Variants in NFATC4 observed in about 807,000 individuals in gnomAD.
NFATC4 encodes nuclear factor of activated T-cells, cytoplasmic 4.
Under a neutral mutation model 73.4 loss-of-function variants are expected in NFATC4, and 25 were observed. The observed-to-expected ratio is 0.34, with a 90% confidence interval of 0.25 to 0.48. The LOEUF is 0.48. Ranked by LOEUF, NFATC4 falls within the 20% of genes least tolerant of loss-of-function variation. NFATC4 has a pLI of 0.99. For missense variants in NFATC4, 1,130 were observed against 1,203.7 expected, an observed-to-expected ratio of 0.94 and a Z score of 0.91; for synonymous variants, 523 against 510.3, an observed-to-expected ratio of 1.02 and a Z score of -0.34.
rs1245561907 is a variant in NFATC4, at chr14:24,373,669, G to A, written c.1560-26G>A. 2 of 1,586,440 alleles carry A rather than the reference G, an allele frequency of 1.3e-6. No individual in the cohort carries two copies. Among genetic ancestry groups the A allele is most frequent in the South Asian group, 1.2e-5 (1 of 85,582 alleles). On this transcript the variant is annotated intron_variant, in intron 4 of 9. Transcript: ENST00000250373. This position sits in a 1 kb window ranked among gnomAD's most constrained non-coding sequence, Gnocchi z 4.7. ...CACCATTTTGGCTTCAGCTAGGAGG[G>A]CTTGCCATCCATCCTTTGCCTCCAG...
Position 24,369,876 on chromosome 14 carries a change from G to A in NFATC4, c.478G>A (p.Gly160Ser). 2 of 1,610,494 alleles carry A rather than the reference G, an allele frequency of 1.2e-6. No homozygotes were observed. The highest frequency in any genetic ancestry group is 1.7e-4 in the Middle Eastern group (1 of 6,054). ...CTTTGGGGGCTACAGAGAAGCAGGG[G>A]GCCAGGGTGGGGGGGCCTTCTTCAG... Reference protein sequence around the residue: ...EGFGGYREAGGQGGGAFFSPS... With the variant: ...EGFGGYREAGSQGGGAFFSPS... The change falls in exon 2 of 10, where the codon GGC becomes AGC. Residue 160 changes from glycine to serine, a missense_variant. This residue lies in a region of NFATC4 where 585 missense variants were observed against 574.3 expected (regional missense o/e 1.02). Transcript: ENST00000250373.
chr14:24,368,509 A>G, intron 1 of NFATC4, 69 bp downstream of exon 1: 1 of 1,178,674 alleles, frequency 8.5e-7, no homozygotes, highest in Non-Finnish European at 1.1e-6. Flanking sequence ...AGTCTGGGGA[A>G]TTTAAGGCAG....
Position 24,372,239 on chromosome 14 carries a change from T to G in NFATC4, c.1197-202T>G. On this transcript the variant is annotated intron_variant, in intron 2 of 9. Coordinates refer to ENST00000250373, the MANE Select transcript of NFATC4 (RefSeq NM_004554.5). The stretch of plus-strand genomic sequence containing the variant: ...CTACTTCCCCTTGCTTCTGGACTTT[T>G]GGATTTCTTCATTTCTTTGTCCTTT... The G allele has an allele frequency of 6.7e-6, 4 of 596,308 alleles. No individual in the cohort carries two copies. The East Asian group carries it at 8.8e-5, about 13-fold the overall frequency. 36.9% of individuals were successfully genotyped at this position (596,308 alleles called of 1,614,324 possible).
upstream of NFATC4, chr14:24,367,992 GTT>G (rs553785821): frequency 7.2e-5 from 64 of 884,262 alleles, no homozygotes; most frequent in Middle Eastern, 5.4e-4. Flanking sequence ...TTCCAATTCA[GTT>G]TTTTTTTTTT....
intron 1 of NFATC4, chr14:24,369,109 G>C (rs977635849): frequency 7.0e-7 from 1 of 1,431,832 alleles, no homozygotes; most frequent in Admixed American, 2.8e-5. Flanking sequence ...TGGGGCTCCT[G>C]CCAGCGCCGT....
Position 24,376,176 on chromosome 14 carries a change from T to C in NFATC4, c.2056+75T>C. On this transcript the variant is annotated intron_variant, in intron 8 of 9. Coordinates refer to ENST00000250373, the MANE Select transcript of NFATC4 (RefSeq NM_004554.5). The surrounding 1 kb of genome is among the most constrained non-coding windows in gnomAD (Gnocchi z 5.0). ...GAGCAGGAGCAGAGGGAAGCAGTAC[T>C]CATCATGAGGGGCCAAGGGGTGAAT... The C allele has an allele frequency of 6.2e-7, 1 of 1,603,252 alleles. No individual in the cohort carries two copies. The highest frequency in any genetic ancestry group is 1.1e-5 in the South Asian group (1 of 89,594).
At chr14:24,371,818 G>A (rs189501990) in intron 2 of NFATC4, 1 of 152,096 alleles carries the variant, frequency 6.6e-6, no homozygotes, top group Non-Finnish European at 1.5e-5. Flanking sequence ...GGAGTAGCTG[G>A]GACTACAGGA....
chr14:24,367,345 C>T, upstream of NFATC4: 6 of 1,537,202 alleles, frequency 3.9e-6, no homozygotes, highest in Non-Finnish European at 5.2e-6. Context: ...GAGTGGGATG[C>T]TATCGGGTCA....
At chr14:24,371,457 T>G (rs769630751) in intron 2 of NFATC4, among the ~76,000 whole-genome samples, 1 of 152,190 alleles carries the variant, frequency 6.6e-6, no homozygotes, top group African/African-American at 2.4e-5. Flanking sequence ...ACCAAAAATG[T>G]CTTCAGACAT....
chr14:24,370,503 C>T lies in NFATC4; in HGVS notation c.1105C>T (p.Arg369Trp), dbSNP rs898643666. Residue 369 changes from arginine (R) to tryptophan (W), a missense_variant, in exon 2 of 10, where the codon CGG becomes TGG. Coordinates refer to ENST00000250373, the MANE Select transcript of NFATC4 (RefSeq NM_004554.5). ...EESVAPPGGSRKEVAGMDYLA... is the reference protein window; with the variant it reads ...EESVAPPGGSWKEVAGMDYLA... Reference sequence around the variant, plus strand: ...GTCTGTGGCTCCTCCAGGAGGTTCCCGGAAGGAGGTGGCTGGCATGGACTA... The same window carrying T: ...GTCTGTGGCTCCTCCAGGAGGTTCCTGGAAGGAGGTGGCTGGCATGGACTA... The T allele has an allele frequency of 3.7e-6, 6 of 1,614,132 alleles. No individual in the cohort carries two copies. Among genetic ancestry groups the T allele is most frequent in the East Asian group, 2.2e-5 (1 of 44,872 alleles).
rs1225516656 is a variant in NFATC4 at position 24,368,424 on chromosome 14, G to T, written c.84G>T (p.Ala28=). The T allele has an allele frequency of 1.5e-6, 2 of 1,342,368 alleles. No homozygotes were observed. Among genetic ancestry groups the T allele is most frequent in the Non-Finnish European group, 1.9e-6 (2 of 1,045,214 alleles). 83.2% of individuals were successfully genotyped at this position (1,342,368 alleles called of 1,614,324 possible). The change falls in exon 1 of 10, where the codon GCG becomes GCT. Residue 28 remains alanine, a synonymous_variant. Transcript: ENST00000250373. ...GEEKEAPPLG[A]GGLGEELDSE... The stretch of plus-strand genomic sequence containing the variant: ...AAAAGGAGGCCCCCCCGCTGGGCGC[G>T]GGGGGATTGGGGGAAGGTTAGTGCT...
At chr14:24,368,143 C>A (rs1348446094), upstream of NFATC4, 2 of 1,204,486 alleles carry the variant, frequency 1.7e-6, no homozygotes, top group Non-Finnish European at 2.1e-6. Flanking sequence ...GGGGGGGGAC[C>A]GCTTTGAAGA....
At chr14:24,367,558 C>T (rs1349138686), upstream of NFATC4, 3 of 1,536,026 alleles carry the variant, frequency 2.0e-6, no homozygotes, top group African/African-American at 2.7e-5. Context: ...GCTGGCTAAG[C>T]GTTCTTCATC....
chr14:24,376,898 C>T lies in NFATC4; in HGVS notation c.2641+20C>T, dbSNP rs1376958937. The T allele has an allele frequency of 6.5e-7, 1 of 1,532,078 alleles. No individual in the cohort carries two copies. The highest frequency in any genetic ancestry group is 8.8e-7 in the Non-Finnish European group (1 of 1,142,272). The allele number at this position is 1,532,078 out of a possible 1,614,324, so 94.9% of individuals were successfully genotyped here. ...AGGAAGGTGGGTGTGGGACTGGGGGCTGTGAGTGTGAGTGTGTGCAAGAGA... is the reference window on the plus strand; with the variant it reads ...AGGAAGGTGGGTGTGGGACTGGGGGTTGTGAGTGTGAGTGTGTGCAAGAGA... On this transcript the variant is annotated intron_variant, in intron 9 of 9. Coordinates refer to ENST00000250373, the MANE Select transcript of NFATC4 (RefSeq NM_004554.5). The surrounding 1 kb of genome is among the most constrained non-coding windows in gnomAD (Gnocchi z 5.0).
At position 24,376,736 on chromosome 14, in the gene NFATC4, T is replaced by C; in HGVS notation, c.2499T>C (p.His833=). Residue 833 remains histidine, a synonymous_variant, in exon 9 of 10, where the codon CAT becomes CAC. Coordinates refer to ENST00000250373, the MANE Select transcript of NFATC4 (RefSeq NM_004554.5). This position sits in a 1 kb window ranked among gnomAD's most constrained non-coding sequence, Gnocchi z 5.0. The stretch of plus-strand genomic sequence containing the variant: ...CCTTCCCTTCCCAGAGTGATGTGCA[T>C]CCCCTACCTGCTGAGGGATACAATA... ...EGPFPSQSDV[H]PLPAEGYNKV... The C allele has an allele frequency of 6.2e-7, 1 of 1,613,786 alleles. No individual in the cohort carries two copies.
rs748704411 is a variant in NFATC4, at chr14:24,376,706, A to G, written c.2469A>G (p.Glu823=). 36 of 1,613,586 alleles carry G rather than the reference A, an allele frequency of 2.2e-5. 1 individual carries two copies. The highest frequency in any genetic ancestry group is 2.5e-6 in the Non-Finnish European group (3 of 1,179,924). ...CTCTTCCTGCATCCCCACCGCTTGA[A>G]GGCCCCTTCCCTTCCCAGAGTGATG... The part of the protein sequence containing the change: ...PPPLPASPPL[E]GPFPSQSDVH... The change falls in exon 9 of 10, where the codon GAA becomes GAG. Residue 823 remains glutamate, a synonymous_variant. Transcript: ENST00000250373. This position sits in a 1 kb window ranked among gnomAD's most constrained non-coding sequence, Gnocchi z 5.0.
chr14:24,368,532 G>T (rs922993986), intron 1 of NFATC4, 92 bp downstream of exon 1: 8 of 1,201,464 alleles, frequency 6.7e-6, no homozygotes, highest in South Asian at 4.2e-5. Flanking sequence ...AGCCTAGGGT[G>T]GGGGGTGAGG....
chr14:24,376,569 C>T lies in NFATC4; in HGVS notation c.2332C>T (p.Pro778Ser). 1 of 1,614,022 alleles carries T rather than the reference C, an allele frequency of 6.2e-7. No homozygotes were observed. Among genetic ancestry groups the T allele is most frequent in the Non-Finnish European group, 8.5e-7 (1 of 1,179,978 alleles). ...TRGTTGCAQP[P>S]AVSFLPRPFP... Reference sequence around the variant, plus strand: ...GGGTACCACAGGTTGTGCCCAACCACCTGCAGTTTCCTTCCTTCCCCGCCC... The same window carrying T: ...GGGTACCACAGGTTGTGCCCAACCATCTGCAGTTTCCTTCCTTCCCCGCCC... Residue 778 changes from proline to serine, a missense_variant, in exon 9 of 10, where the codon CCT becomes TCT. Physicochemically the swap from Pro to Ser is moderately conservative, Grantham distance 74 (BLOSUM62 -1). Transcript: ENST00000250373. This position sits in a 1 kb window ranked among gnomAD's most constrained non-coding sequence, Gnocchi z 5.0.
At position 24,370,313 on chromosome 14, in the gene NFATC4, G is replaced by A. The variant is rs1342916732; in HGVS notation, c.915G>A (p.Leu305=). The A allele has an allele frequency of 3.1e-6, 5 of 1,611,340 alleles. No homozygotes were observed. Among genetic ancestry groups the A allele is most frequent in the Non-Finnish European group, 4.2e-6 (5 of 1,178,158 alleles). ...SEPPPPPPLP[L]ARDPGSPGPF... ...CACCTCCACCACCCCCATTGCCTCTGGCCCGGGACCCGGGCTCCCCTGGTC... is the reference window on the plus strand; with the variant it reads ...CACCTCCACCACCCCCATTGCCTCTAGCCCGGGACCCGGGCTCCCCTGGTC... Residue 305 remains leucine (L), a synonymous_variant, in exon 2 of 10, where the codon CTG becomes CTA. Transcript: ENST00000250373.
Sources: gnomAD v4.1 joint callset for allele counts (sites outside exome capture counted in the v4.1 genomes callset) on GRCh38, gnomAD v4.1.1 for gene constraint, gnomAD v4.1.1 regional missense constraint, Gnocchi (gnomAD v3.1) non-coding constraint, MANE v1.5 for transcripts, NCBI Gene and HGNC (gene_info 2026-07-23, HGNC 2026-07-21) for gene names.